The following PDLIM5 variants were observed in gnomAD, a reference collection of about 807,000 sequenced individuals.
PDLIM5 encodes PDZ and LIM domain 5, also known as PDZ and LIM domain protein 5.
In PDLIM5, 34 loss-of-function variants were observed where a neutral mutation model predicts 64.2. That is an observed-to-expected ratio of 0.53 (90% CI 0.40 to 0.71). PDLIM5 has a LOEUF of 0.71. Ranked by LOEUF, PDLIM5 falls within the 30% of genes least tolerant of loss-of-function variation. The probability of loss-of-function intolerance (pLI) is 0.00; values close to 1 mark genes in which losing one functional copy is unlikely to be tolerated. For missense variants in PDLIM5, 683 were observed against 733.6 expected (o/e 0.93, Z 0.80); for synonymous variants, 253 against 269.1 (o/e 0.94, Z 0.59).
chr4:94,464,655 C>T (rs903476909), intron 2 of PDLIM5, among the ~76,000 whole-genome samples: 2 of 152,228 alleles, frequency 1.3e-5, no homozygotes, highest in Non-Finnish European at 2.9e-5. Context: ...TCGTGTTACA[C>T]ATATAATTTC....
At chr4:94,629,281 G>A (rs1180119266) in intron 8 of PDLIM5, among the ~76,000 whole-genome samples, 6 of 152,034 alleles carry the variant, frequency 3.9e-5, no homozygotes, top group Admixed American at 1.3e-4. Flanking sequence ...CCTGGGGGGC[G>A]GAGGTCACAG....
intron 2 of PDLIM5, among the ~76,000 whole-genome samples, chr4:94,509,722 G>A (rs1728696879): frequency 6.6e-6 from 1 of 152,122 alleles, no homozygotes. Flanking sequence ...CTTGGAGTCC[G>A]ATGTTTGAGG....
intron 11 of PDLIM5, among the ~76,000 whole-genome samples, chr4:94,658,656 T>G (rs1187754747): frequency 6.6e-6 from 1 of 152,200 alleles, no homozygotes; most frequent in South Asian, 2.1e-4. Context: ...TGTGTCATCA[T>G]CATTCAGCCC....
Position 94,555,358 on chromosome 4 carries a change from T to G in PDLIM5, c.249-17993T>G, listed in dbSNP as rs551465935. ...GCATGAGCCACCTCACCGGCCTAAA[T>G]GCATTTTTTACTTATGATATTTCCA... On this transcript the variant is annotated intron_variant, in intron 3 of 12. Coordinates refer to ENST00000317968, the MANE Select transcript of PDLIM5 (RefSeq NM_006457.5). 5.3e-5 allele frequency among the ~76,000 whole-genome samples: 8 copies of G among 152,332 alleles called. No homozygotes were observed. The South Asian group carries it at 1.7e-3, about 32-fold the overall frequency.
chr4:94,463,328 A>G (rs1231556562), intron 2 of PDLIM5, among the ~76,000 whole-genome samples: 1 of 152,206 alleles, frequency 6.6e-6, no homozygotes, highest in Non-Finnish European at 1.5e-5. Context: ...AAACTTAGCT[A>G]CTGATAGCCT....
At chr4:94,567,062 C>T (rs1290484434) in intron 3 of PDLIM5, among the ~76,000 whole-genome samples, 1 of 152,218 alleles carries the variant, frequency 6.6e-6, no homozygotes, top group African/African-American at 2.4e-5. Context: ...GGCACAACCT[C>T]GGCTCACTGC....
intron 3 of PDLIM5, among the ~76,000 whole-genome samples, chr4:94,563,954 CT>C (rs1734055729): frequency 8.6e-6 from 1 of 116,264 alleles, no homozygotes; most frequent in African/African-American, 4.0e-5. Context: ...TTTTTTCTTT[CT>C]TTCTTTTTTT....
At position 94,455,349 on chromosome 4, in the gene PDLIM5, G is replaced by A. The variant is rs767631926; in HGVS notation, c.61G>A (p.Gly21Ser). The A allele has an allele frequency of 9.3e-6, 15 of 1,613,104 alleles. No individual in the cohort carries two copies. The highest frequency in any genetic ancestry group is 2.2e-5 in the East Asian group (1 of 44,868). The change falls in exon 2 of 13, where the codon GGT becomes AGT. Residue 21 changes from glycine to serine, a missense_variant. By Grantham distance (56) the Gly-to-Ser change is moderately conservative. Coordinates refer to ENST00000317968, the MANE Select transcript of PDLIM5 (RefSeq NM_006457.5). ...PAPWGFRLQG[G>S]KDFNMPLTIS... Reference sequence around the variant, plus strand: ...TCCTTGGGGTTTCCGGCTGCAGGGCGGTAAGGATTTCAACATGCCTCTGAC... The same window carrying A: ...TCCTTGGGGTTTCCGGCTGCAGGGCAGTAAGGATTTCAACATGCCTCTGAC...
At chr4:94,462,142 C>T (rs750231007) in intron 2 of PDLIM5, among the ~76,000 whole-genome samples, 6 of 152,140 alleles carry the variant, frequency 3.9e-5, no homozygotes, top group Non-Finnish European at 7.4e-5. Flanking sequence ...GGATTACAGG[C>T]GTGAGCCACT....
chr4:94,507,827 T>G (rs1196125430), intron 2 of PDLIM5, among the ~76,000 whole-genome samples: 1 of 152,192 alleles, frequency 6.6e-6, no homozygotes, highest in Non-Finnish European at 1.5e-5. Context: ...ACTAACGTAA[T>G]GAGTGGGAGA....
intron 8 of PDLIM5, among the ~76,000 whole-genome samples, chr4:94,622,958 C>T (rs898612497): frequency 3.3e-5 from 5 of 152,080 alleles, no homozygotes; most frequent in African/African-American, 1.2e-4. Context: ...CATAAGCCAC[C>T]ACGCCCGGCC....
chr4:94,476,244 G>A (rs1725310575), intron 2 of PDLIM5, among the ~76,000 whole-genome samples: 1 of 152,078 alleles, frequency 6.6e-6, no homozygotes, highest in African/African-American at 2.4e-5. Flanking sequence ...TTTATCTTGG[G>A]TGGATAAGAA....
chr4:94,529,855 G>T (rs1191198564), intron 3 of PDLIM5, among the ~76,000 whole-genome samples: 1 of 152,158 alleles, frequency 6.6e-6, no homozygotes, highest in Non-Finnish European at 1.5e-5. Flanking sequence ...TCTTGGGGAA[G>T]TCAGGCAAAT....
At position 94,455,336 on chromosome 4, in the gene PDLIM5, C is replaced by G. The variant is rs1271484683; in HGVS notation, c.48C>G (p.Phe16Leu). ...VSLVGPAPWG[F>L]RLQGGKDFNM... is the part of the protein sequence containing the mutation. ...TGGTTGGCCCAGCTCCTTGGGGTTT[C>G]CGGCTGCAGGGCGGTAAGGATTTCA... Residue 16 changes from phenylalanine (F) to leucine (L), a missense_variant, in exon 2 of 13, where the codon TTC (phenylalanine) becomes TTG (leucine). Transcript: ENST00000317968. The G allele has an allele frequency of 6.2e-7, 1 of 1,613,856 alleles. No individual in the cohort carries two copies. Among genetic ancestry groups the G allele is most frequent in the South Asian group, 1.1e-5 (1 of 91,072 alleles).
chr4:94,556,902 T>C (rs1395516700), intron 3 of PDLIM5, among the ~76,000 whole-genome samples: 1 of 152,212 alleles, frequency 6.6e-6, no homozygotes, highest in African/African-American at 2.4e-5. Context: ...AGGAGCTCTT[T>C]AGTTTAATTA....
chr4:94,615,947 T>C lies in PDLIM5; in HGVS notation c.921-2057T>C, dbSNP rs78404607. Among the ~76,000 whole-genome samples, 986 of 152,298 alleles carry C rather than the reference T, an allele frequency of 6.5e-3. 13 individuals carry two copies. The highest frequency in any genetic ancestry group is 0.023 in the African/African-American group (947 of 41,566). Reference sequence around the variant, plus strand: ...GTTTTTTCATAACCTGGGCTACTATTACCAGTTCCTTCACCCAAACTATAT... The same window carrying C: ...GTTTTTTCATAACCTGGGCTACTATCACCAGTTCCTTCACCCAAACTATAT... On this transcript the variant is annotated intron_variant, in intron 7 of 12. Coordinates refer to ENST00000317968, the MANE Select transcript of PDLIM5 (RefSeq NM_006457.5).
At chr4:94,566,537 A>T (rs192553831) in intron 3 of PDLIM5, among the ~76,000 whole-genome samples, 1 of 152,286 alleles carries the variant, frequency 6.6e-6, no homozygotes, top group East Asian at 1.9e-4. Flanking sequence ...ACTCCACCAG[A>T]TATGTTACAT....
At chr4:94,638,515 ATT>A (rs1309907258) in intron 8 of PDLIM5, among the ~76,000 whole-genome samples, 2 of 152,202 alleles carry the variant, frequency 1.3e-5, no homozygotes, top group African/African-American at 4.8e-5. Context: ...AACAGGCTTT[ATT>A]CTAGTGAGGG....
At chr4:94,556,108 A>C (rs1355499130) in intron 3 of PDLIM5, among the ~76,000 whole-genome samples, 6 of 120,994 alleles carry the variant, frequency 5.0e-5, no homozygotes, top group African/African-American at 2.0e-4. Flanking sequence ...TCCTGTGTCC[A>C]TGTGTTCTCA....
Sources: gnomAD v4.1 joint callset for allele counts (sites outside exome capture counted in the v4.1 genomes callset) on GRCh38, gnomAD v4.1.1 for gene constraint, MANE v1.5 for transcripts, NCBI Gene and HGNC (gene_info 2026-07-23, HGNC 2026-07-21) for gene names.